Variants in MSI2 observed in about 807,000 individuals in gnomAD.
MSI2 encodes the protein RNA-binding protein Musashi homolog 2.
A neutral mutation model predicts 45.6 loss-of-function variants in MSI2; 17 were observed. The ratio of observed to expected loss-of-function variants is 0.37; its 90% CI spans 0.26 to 0.56. MSI2 has a LOEUF of 0.56. MSI2 is among the 20% of genes least tolerant of loss of function. MSI2 has a pLI of 0.77. For synonymous variants in MSI2, 156 were observed against 158.2 expected, an observed-to-expected ratio of 0.99 and a Z score of 0.11; for missense variants, 293 against 444.2, an observed-to-expected ratio of 0.66 and a Z score of 3.06.
intron 5 of MSI2, among the ~76,000 whole-genome samples, chr17:57,399,610 T>C (rs1043547630): frequency 2.0e-5 from 3 of 151,434 alleles, no homozygotes; most frequent in African/African-American, 7.3e-5. Context: ...AGCTCCAAGT[T>C]TGGGGTCAAC....
intron 6 of MSI2, among the ~76,000 whole-genome samples, chr17:57,464,021 A>ATG (rs71139998): frequency 0.13 from 6,867 of 50,868 alleles, 230 homozygotes; most frequent in South Asian, 0.37. Flanking sequence ...GTGTGTGTGT[A>ATG]TGTGTGTGTG....
chr17:57,589,591 C>A (rs1013631731), intron 7 of MSI2, among the ~76,000 whole-genome samples: 3 of 152,240 alleles, frequency 2.0e-5, no homozygotes, highest in African/African-American at 7.2e-5. Context: ...GCACAGCCAA[C>A]TGGGGCTCGA....
At chr17:57,533,420 G>A (rs2086861344) in intron 7 of MSI2, among the ~76,000 whole-genome samples, 1 of 152,218 alleles carries the variant, frequency 6.6e-6, no homozygotes, top group African/African-American at 2.4e-5. Context: ...CTGCTCCCAT[G>A]ACATTTTTCC....
intron 6 of MSI2, among the ~76,000 whole-genome samples, chr17:57,469,647 C>T (rs1250954467): frequency 6.6e-6 from 1 of 152,166 alleles, no homozygotes. Context: ...CTATCCAGAG[C>T]ATGGAGACTG....
At chr17:57,515,014 CTCCAGTGATG>C (rs2086440233) in intron 6 of MSI2, among the ~76,000 whole-genome samples, 1 of 152,184 alleles carries the variant, frequency 6.6e-6, no homozygotes, top group African/African-American at 2.4e-5. Flanking sequence ...TGCCAAAAAG[CTCCAGTGATG>C]ATCAGGATGA....
intron 5 of MSI2, among the ~76,000 whole-genome samples, chr17:57,374,801 A>G (rs1179427791): frequency 6.6e-6 from 1 of 152,100 alleles, no homozygotes; most frequent in Non-Finnish European, 1.5e-5. Flanking sequence ...AAATAAATAA[A>G]TGCTTATCTT....
intron 7 of MSI2, among the ~76,000 whole-genome samples, chr17:57,585,664 A>G (rs899339987): frequency 2.0e-5 from 3 of 152,216 alleles, no homozygotes; most frequent in African/African-American, 7.2e-5. Flanking sequence ...GACAAATTTG[A>G]AACCCACTCT....
the MSI2 span, among the ~76,000 whole-genome samples, chr17:57,691,408 G>A: frequency 6.6e-6 from 1 of 152,076 alleles, no homozygotes; most frequent in Non-Finnish European, 1.5e-5. Context: ...AAGATAATGT[G>A]GCTAGGGTTT....
intron 5 of MSI2, among the ~76,000 whole-genome samples, chr17:57,335,104 C>T (rs923199494): frequency 1.3e-5 from 2 of 152,176 alleles, no homozygotes; most frequent in African/African-American, 4.8e-5. Context: ...TCCGTCAGTG[C>T]CAGGAGATTT....
At chr17:57,322,579 C>T (rs1274184200) in intron 5 of MSI2, among the ~76,000 whole-genome samples, 1 of 152,068 alleles carries the variant, frequency 6.6e-6, no homozygotes, top group Admixed American at 6.5e-5. Context: ...ATAAATCAAC[C>T]CTTAATCGAA....
At chr17:57,363,193 A>G (rs114502460) in intron 5 of MSI2, among the ~76,000 whole-genome samples, 2,468 of 152,340 alleles carry the variant, frequency 0.016, 62 homozygotes, top group African/African-American at 0.056. Context: ...AAGGAAGGCA[A>G]TTCCGATAGA....
At chr17:57,648,853 C>T (rs1264047999) in intron 10 of MSI2, among the ~76,000 whole-genome samples, 1 of 152,194 alleles carries the variant, frequency 6.6e-6, no homozygotes, top group Non-Finnish European at 1.5e-5. Flanking sequence ...CCCCAGATGA[C>T]CCCGGCCTCC....
chr17:57,606,323 A>T (rs905944751), intron 8 of MSI2: 1 of 152,256 alleles, frequency 6.6e-6, no homozygotes, highest in Non-Finnish European at 1.5e-5. Flanking sequence ...TTGTAGGATT[A>T]GCTCCGAGAG....
intron 6 of MSI2, among the ~76,000 whole-genome samples, chr17:57,526,521 A>G: frequency 6.6e-6 from 1 of 151,716 alleles, no homozygotes; most frequent in South Asian, 2.1e-4. Context: ...CCCTTGACTC[A>G]CACAAGCCGC....
chr17:57,697,373 G>A, the MSI2 span, among the ~76,000 whole-genome samples: 3 of 151,476 alleles, frequency 2.0e-5, no homozygotes, highest in African/African-American at 4.9e-5. Flanking sequence ...CCACTCCCAC[G>A]TTCTCACAGC....
intron 3 of MSI2, 72 bp downstream of exon 3, chr17:57,257,619 C>T (rs764380145): frequency 9.6e-6 from 11 of 1,144,160 alleles, no homozygotes; most frequent in Non-Finnish European, 1.4e-5. Flanking sequence ...GAGGTGTCTT[C>T]GGAAGTAGCT....
At chr17:57,534,512 G>A (rs532202840) in intron 7 of MSI2, among the ~76,000 whole-genome samples, 10 of 152,314 alleles carry the variant, frequency 6.6e-5, no homozygotes, top group South Asian at 4.1e-4. Context: ...AGGAGTTCAA[G>A]ACCAGCCTGG....
intron 10 of MSI2, among the ~76,000 whole-genome samples, chr17:57,638,835 AG>A (rs1910033196): frequency 6.6e-6 from 1 of 152,164 alleles, no homozygotes; most frequent in South Asian, 2.1e-4. Flanking sequence ...CGAGAAGTTC[AG>A]GGTTATAGTA....
intron 6 of MSI2, among the ~76,000 whole-genome samples, chr17:57,447,133 G>A (rs1476973740): frequency 1.3e-5 from 2 of 152,168 alleles, no homozygotes; most frequent in Non-Finnish European, 2.9e-5. Context: ...TATCACCCAG[G>A]CTGGAGTGCA....
Sources: gnomAD v4.1 joint callset for allele counts (sites outside exome capture counted in the v4.1 genomes callset) on GRCh38, gnomAD v4.1.1 for gene constraint, MANE v1.5 for transcripts, NCBI Gene and HGNC (gene_info 2026-07-23, HGNC 2026-07-21) for gene names.